PDE4D: variants seen among roughly 807,000 people sequenced by gnomAD.
PDE4D encodes the protein 3',5'-cyclic-AMP phosphodiesterase 4D.
Under a neutral mutation model 87.4 loss-of-function variants are expected in PDE4D, and 24 were observed. The observed-to-expected ratio is 0.27, with a 90% CI of 0.20 to 0.39. The LOEUF is 0.39. Among genes scored for constraint, PDE4D ranks in the 10% least tolerant of loss-of-function variants. The pLI, the probability that PDE4D is intolerant of heterozygous loss-of-function variation, is 1.00. For synonymous variants in PDE4D, 384 were observed against 383.2 expected (o/e 1.00, Z -0.02); for missense variants, 714 against 1,041.0 (o/e 0.69, Z 4.32).
At chr5:59,029,403 C>T (rs141986779) in intron 6 of PDE4D, among the ~76,000 whole-genome samples, 9,753 of 112,176 alleles carry the variant, frequency 0.087, 394 homozygotes, top group Middle Eastern at 0.16. Flanking sequence ...GGCAACAGAG[C>T]GAGACTCCAT....
At chr5:59,950,896 G>C (rs893366705) in intron 3 of PDE4D, among the ~76,000 whole-genome samples, 1 of 152,048 alleles carries the variant, frequency 6.6e-6, no homozygotes, top group Non-Finnish European at 1.5e-5. Context: ...ACTCTGAATA[G>C]AGCAATATCT....
At chr5:59,078,294 C>A (rs1766062541) in intron 5 of PDE4D, among the ~76,000 whole-genome samples, 1 of 152,080 alleles carries the variant, frequency 6.6e-6, no homozygotes, top group Admixed American at 6.6e-5. Flanking sequence ...ATAAAATAAT[C>A]TCCAAAACAT....
At chr5:59,176,315 G>A (rs1237883159) in intron 5 of PDE4D, among the ~76,000 whole-genome samples, 1 of 152,140 alleles carries the variant, frequency 6.6e-6, no homozygotes, top group African/African-American at 2.4e-5. Context: ...CATTTTGGGA[G>A]GCCAAGGTGG....
chr5:59,306,095 C>T (rs968901878), intron 1 of PDE4D, among the ~76,000 whole-genome samples: 1 of 152,102 alleles, frequency 6.6e-6, no homozygotes, highest in African/African-American at 2.4e-5. Flanking sequence ...ATATGTTTAG[C>T]ATTGTGACAT....
At chr5:60,179,154 G>A (rs748041011) in intron 2 of PDE4D, among the ~76,000 whole-genome samples, 3 of 152,010 alleles carry the variant, frequency 2.0e-5, no homozygotes, top group East Asian at 3.8e-4. Flanking sequence ...TAAGTAGGGC[G>A]GTATCCCTAC....
chr5:59,726,810 T>A (rs973000421), intron 1 of PDE4D, among the ~76,000 whole-genome samples: 1 of 152,098 alleles, frequency 6.6e-6, no homozygotes, highest in South Asian at 2.1e-4. Flanking sequence ...TAAACACACA[T>A]ATACACTTGC....
chr5:58,980,008 G>A (rs1183061746), intron 11 of PDE4D, among the ~76,000 whole-genome samples: 1 of 152,148 alleles, frequency 6.6e-6, no homozygotes, highest in Non-Finnish European at 1.5e-5. Flanking sequence ...ACATTTAGAG[G>A]ATTTAGGTGC....
chr5:60,249,564 G>A (rs1748193446), intron 1 of PDE4D, among the ~76,000 whole-genome samples: 1 of 151,988 alleles, frequency 6.6e-6, no homozygotes, highest in African/African-American at 2.4e-5. Context: ...ACATTAAAAT[G>A]TCAGTAGAAT....
chr5:59,998,276 A>T (rs1763697626), intron 2 of PDE4D, among the ~76,000 whole-genome samples: 1 of 151,880 alleles, frequency 6.6e-6, no homozygotes, highest in African/African-American at 2.4e-5. Flanking sequence ...ATAAAACTAT[A>T]AGAAAAGTGA....
intron 3 of PDE4D, among the ~76,000 whole-genome samples, chr5:59,902,735 T>C (rs1168233177): frequency 1.3e-5 from 2 of 152,074 alleles, no homozygotes; most frequent in Non-Finnish European, 1.5e-5. Flanking sequence ...CTAAGTGGGA[T>C]AGGAAGAGGC....
intron 1 of PDE4D, among the ~76,000 whole-genome samples, chr5:59,781,015 A>C (rs1214060441): frequency 2.0e-5 from 3 of 151,946 alleles, no homozygotes; most frequent in Non-Finnish European, 4.4e-5. Flanking sequence ...AAAAATGCAA[A>C]ATTAGCCACA....
intron 1 of PDE4D, among the ~76,000 whole-genome samples, chr5:60,515,764 T>C (rs1394877474): frequency 6.6e-6 from 1 of 152,186 alleles, no homozygotes; most frequent in Non-Finnish European, 1.5e-5. Flanking sequence ...TTTTTCAAAC[T>C]GTAGGTTATG....
At chr5:60,048,999 A>C (rs1769715244) in intron 2 of PDE4D, among the ~76,000 whole-genome samples, 1 of 152,200 alleles carries the variant, frequency 6.6e-6, no homozygotes, top group African/African-American at 2.4e-5. Context: ...ACTTTCAGGT[A>C]CACCAATCAG....
At chr5:59,951,319 A>G (rs555554763) in intron 3 of PDE4D, among the ~76,000 whole-genome samples, 1 of 152,318 alleles carries the variant, frequency 6.6e-6, no homozygotes, top group East Asian at 1.9e-4. Flanking sequence ...ATTGCAATTT[A>G]GAGATTGCAC....
At chr5:59,930,432 C>T (rs189984516) in intron 3 of PDE4D, among the ~76,000 whole-genome samples, 2 of 152,130 alleles carry the variant, frequency 1.3e-5, no homozygotes, top group African/African-American at 4.8e-5. Context: ...AGTTATGATG[C>T]CACAAGTTAA....
intron 2 of PDE4D, among the ~76,000 whole-genome samples, chr5:60,062,812 G>A (rs1771558221): frequency 6.6e-6 from 1 of 151,864 alleles, no homozygotes; most frequent in South Asian, 2.1e-4. Flanking sequence ...AACTAACACA[G>A]GATCAGAAAA....
At chr5:60,276,438 G>C (rs1318026020) in intron 1 of PDE4D, among the ~76,000 whole-genome samples, 1 of 152,128 alleles carries the variant, frequency 6.6e-6, no homozygotes, top group African/African-American at 2.4e-5. Flanking sequence ...TGTATATAGT[G>C]AACTGTAACC....
At chr5:59,002,205 CTG>C (rs1258041516) in intron 6 of PDE4D, 9 of 336,106 alleles carry the variant, frequency 2.7e-5, no homozygotes, top group African/African-American at 1.8e-4. Flanking sequence ...CAGGTTCACT[CTG>C]GTACTGAGAA....
At chr5:59,594,590 G>C (rs1020605239) in intron 1 of PDE4D, among the ~76,000 whole-genome samples, 2 of 151,966 alleles carry the variant, frequency 1.3e-5, no homozygotes, top group African/African-American at 4.8e-5. Flanking sequence ...CAAAGTGCTG[G>C]GATTACCAGG....
Sources: allele counts gnomAD v4.1 joint callset (sites outside exome capture counted in the v4.1 genomes callset), GRCh38; gene constraint gnomAD v4.1.1; transcripts MANE v1.5; gene names NCBI Gene and HGNC (gene_info 2026-07-23, HGNC 2026-07-21).